The following SLC13A1 variants were observed in gnomAD, a reference collection of about 807,000 sequenced individuals.
SLC13A1 encodes Na(+)/sulfate cotransporter.
A neutral mutation model predicts 70.0 loss-of-function variants in SLC13A1; 65 were observed. That is an observed-to-expected ratio of 0.93 (90% CI 0.76 to 1.14). SLC13A1 has a LOEUF of 1.14. Ranked by LOEUF, SLC13A1 falls within the 50% of genes most tolerant of loss-of-function variation. The pLI, the probability that SLC13A1 is intolerant of heterozygous loss-of-function variation, is 0.00. For missense variants in SLC13A1, 726 were observed against 717.8 expected, an observed-to-expected ratio of 1.01 and a Z score of -0.13; for synonymous variants, 275 against 250.5, an observed-to-expected ratio of 1.10 and a Z score of -0.92.
At chr7:123,176,183 A>G (rs1275748052) in intron 2 of SLC13A1, among the ~76,000 whole-genome samples, 1 of 152,214 alleles carries the variant, frequency 6.6e-6, no homozygotes, top group Non-Finnish European at 1.5e-5. Context: ...ATTAGTTGTT[A>G]AACTTAAGAA....
rs1563318935 is a variant in SLC13A1 at position 123,125,561 on chromosome 7, T to C, written c.1240+8A>G. The C allele has an allele frequency of 6.4e-7, 1 of 1,573,846 alleles. No individual in the cohort carries two copies. The highest frequency in any genetic ancestry group is 8.7e-7 in the Non-Finnish European group (1 of 1,151,750). On this transcript the variant is annotated splice_region_variant and intron_variant, in intron 11 of 14. Transcript: ENST00000194130. Reference sequence around the variant, plus strand: ...TAAATTTATGCAGAATTATAAATGATACTCAACCAATTTCTCCTGTAGGTG... The same window carrying C: ...TAAATTTATGCAGAATTATAAATGACACTCAACCAATTTCTCCTGTAGGTG...
chr7:123,131,963 A>G (rs1354341296), intron 8 of SLC13A1, among the ~76,000 whole-genome samples: 1 of 152,162 alleles, frequency 6.6e-6, no homozygotes, highest in Non-Finnish European at 1.5e-5. Context: ...TGTTTGATAA[A>G]GTCATTAAAT....
chr7:123,184,213 A>AT (rs1795727860), intron 1 of SLC13A1, among the ~76,000 whole-genome samples: 1 of 152,160 alleles, frequency 6.6e-6, no homozygotes, highest in Non-Finnish European at 1.5e-5. Flanking sequence ...GTATCTATGC[A>AT]TAGTGGAATG....
In SLC13A1 at chr7:123,121,587, C is replaced by T. The variant is rs78897994; in HGVS notation, c.1350+1539G>A. 9.5e-3 allele frequency among the ~76,000 whole-genome samples: 1,440 copies of T among 151,966 alleles called. 19 individuals carry two copies. The highest frequency in any genetic ancestry group is 0.032 in the African/African-American group (1,327 of 41,440). ...TAAAAAATAAATCCTGCATGTTTAA[C>T]CTAGGAGAGAAAATTTCAAGAATGT... On this transcript the variant is annotated intron_variant, in intron 12 of 14. Coordinates refer to ENST00000194130, the MANE Select transcript of SLC13A1 (RefSeq NM_022444.4).
At chr7:123,160,891 G>A (rs1453212317) in intron 6 of SLC13A1, among the ~76,000 whole-genome samples, 2 of 151,860 alleles carry the variant, frequency 1.3e-5, no homozygotes, top group Admixed American at 6.6e-5. Context: ...GAAAAATATG[G>A]AAAATAGCTA....
chr7:123,183,919 A>C (rs544184606), intron 1 of SLC13A1, among the ~76,000 whole-genome samples: 2 of 152,158 alleles, frequency 1.3e-5, no homozygotes, highest in East Asian at 1.9e-4. Flanking sequence ...CTCATCATGG[A>C]GTTTACCTTG....
chr7:123,140,481 A>C (rs1284529759), intron 7 of SLC13A1, among the ~76,000 whole-genome samples: 3 of 151,938 alleles, frequency 2.0e-5, no homozygotes, highest in African/African-American at 7.2e-5. Context: ...ATATTTTTGG[A>C]ATAGTTTGAG....
At chr7:123,164,699 A>G (rs1253350171) in intron 6 of SLC13A1, among the ~76,000 whole-genome samples, 3 of 151,976 alleles carry the variant, frequency 2.0e-5, no homozygotes, top group Non-Finnish European at 4.4e-5. Flanking sequence ...AGGGAAATTC[A>G]TAACACTAAA....
chr7:123,156,448 G>T (rs1794718837), intron 6 of SLC13A1, among the ~76,000 whole-genome samples: 1 of 151,966 alleles, frequency 6.6e-6, no homozygotes, highest in South Asian at 2.1e-4. Flanking sequence ...GTGCTTTCGT[G>T]GTCCATATGT....
At chr7:123,145,904 A>G (rs1794332975) in intron 7 of SLC13A1, among the ~76,000 whole-genome samples, 1 of 152,206 alleles carries the variant, frequency 6.6e-6, no homozygotes, top group Non-Finnish European at 1.5e-5. Context: ...CAGAAAATTC[A>G]TAGAGTCTAT....
chr7:123,150,986 G>T (rs886298149), intron 6 of SLC13A1, among the ~76,000 whole-genome samples: 1 of 151,822 alleles, frequency 6.6e-6, no homozygotes, highest in African/African-American at 2.4e-5. Flanking sequence ...TCTGTCTTCA[G>T]CCAGGCTCCT....
rs66482410 is a variant in SLC13A1 at position 123,114,083 on chromosome 7, C to CAAAAA, written c.*1430_*1434dup. 9.0e-4 allele frequency: 54 copies of CAAAAA among 60,080 alleles called. No homozygotes were observed. The highest frequency in any genetic ancestry group is 1.3e-3 in the Admixed American group (6 of 4,474). The allele number at this position is 60,080 out of a possible 1,614,324, so 3.7% of individuals were successfully genotyped here. A position where few individuals can be genotyped will look rare whatever the true frequency, so the allele number is the denominator to read the frequency against. ...TGGGCGACAGAGCGAGACTCCGTCT[C>CAAAAA]AAAAAAAAAAAAAAAAAAAAAAAAG... On this transcript the variant is annotated 3_prime_UTR_variant, in exon 15 of 15. Transcript: ENST00000194130.
At chr7:123,149,307 G>A in intron 6 of SLC13A1, 1 of 365,078 alleles carries the variant, frequency 2.7e-6, no homozygotes, top group East Asian at 7.3e-5. Flanking sequence ...AACTTGATTA[G>A]GTAAAGAAAT....
chr7:123,118,123 C>G (rs1793243718), intron 13 of SLC13A1, among the ~76,000 whole-genome samples: 2 of 152,004 alleles, frequency 1.3e-5, no homozygotes, highest in African/African-American at 4.8e-5. Context: ...AGCAACAGAG[C>G]TCAGGTAGGT....
chr7:123,143,275 T>C (rs984338277), intron 7 of SLC13A1, among the ~76,000 whole-genome samples: 1 of 152,100 alleles, frequency 6.6e-6, no homozygotes, highest in African/African-American at 2.4e-5. Flanking sequence ...GTCCTCTGGC[T>C]CAAGGCACAG....
chr7:123,114,084 A>AG lies in SLC13A1; in HGVS notation c.*1433_*1434insC, dbSNP rs1793099937. 11 of 41,126 alleles carry AG rather than the reference A, an allele frequency of 2.7e-4. No individual in the cohort carries two copies. In the South Asian group the frequency reaches 9.0e-3, roughly 34 times the overall value. The allele number at this position is 41,126 out of a possible 1,614,324, so 2.5% of individuals were successfully genotyped here. A position where few individuals can be genotyped will look rare whatever the true frequency, so the allele number is the denominator to read the frequency against. ...GGGCGACAGAGCGAGACTCCGTCTC[A>AG]AAAAAAAAAAAAAAAAAAAAAAAGC... On this transcript the variant is annotated 3_prime_UTR_variant, in exon 15 of 15. Coordinates refer to ENST00000194130, the MANE Select transcript of SLC13A1 (RefSeq NM_022444.4).
At chr7:123,150,132 T>C (rs1432617981) in intron 6 of SLC13A1, among the ~76,000 whole-genome samples, 1 of 152,172 alleles carries the variant, frequency 6.6e-6, no homozygotes, top group Admixed American at 6.5e-5. Flanking sequence ...TACCCTACTG[T>C]GTTTGCATAA....
Position 123,115,490 on chromosome 7 carries a change from C to T in SLC13A1, c.*28G>A, listed in dbSNP as rs374769901. On this transcript the variant is annotated 3_prime_UTR_variant, in exon 15 of 15. Coordinates refer to ENST00000194130, the MANE Select transcript of SLC13A1 (RefSeq NM_022444.4). Reference sequence around the variant, plus strand: ...ATCATTAATGTCTTCCAGAAATTACCGCAAGATAGTCAGAAATTTTGTGCT... The same window carrying T: ...ATCATTAATGTCTTCCAGAAATTACTGCAAGATAGTCAGAAATTTTGTGCT... The T allele has an allele frequency of 2.6e-5, 42 of 1,596,392 alleles. No individual in the cohort carries two copies. Among genetic ancestry groups the T allele is most frequent in the South Asian group, 7.9e-5 (7 of 89,054 alleles).
intron 8 of SLC13A1, among the ~76,000 whole-genome samples, chr7:123,132,626 C>T (rs1280194739): frequency 6.6e-6 from 1 of 152,156 alleles, no homozygotes; most frequent in African/African-American, 2.4e-5. Context: ...CTCCCCTGGC[C>T]TCCCAAAGCA....
Sources: gnomAD v4.1 joint callset for allele counts (sites outside exome capture counted in the v4.1 genomes callset) on GRCh38, gnomAD v4.1.1 for gene constraint, MANE v1.5 for transcripts, NCBI Gene and HGNC (gene_info 2026-07-23, HGNC 2026-07-21) for gene names.